NRG3: variants seen among roughly 807,000 people sequenced by gnomAD.
The protein encoded by NRG3 is neuregulin 3.
In NRG3, 31 loss-of-function variants were observed where a neutral mutation model predicts 66.9. That is an observed-to-expected ratio of 0.46 (90% CI 0.35 to 0.63). The LOEUF is 0.63. Among genes scored for constraint, NRG3 ranks in the 20% least tolerant of loss-of-function variants. NRG3 has a pLI of 0.00. For missense variants in NRG3, 910 were observed against 878.9 expected (o/e 1.04, Z -0.45); for synonymous variants, 393 against 359.4 (o/e 1.09, Z -1.06).
chr10:82,951,017 G>C (rs1047739567), intron 4 of NRG3, among the ~76,000 whole-genome samples: 2 of 152,128 alleles, frequency 1.3e-5, no homozygotes, highest in African/African-American at 4.8e-5. Flanking sequence ...AGAATGGGAG[G>C]CTGACAGCCA....
intron 2 of NRG3, among the ~76,000 whole-genome samples, chr10:82,511,699 T>C (rs964495914): frequency 6.6e-6 from 1 of 152,154 alleles, no homozygotes; most frequent in African/African-American, 2.4e-5. Context: ...CCAGAGTCAC[T>C]GGAAGAAAGG....
chr10:82,026,490 T>C (rs2062312885), intron 1 of NRG3, among the ~76,000 whole-genome samples: 1 of 152,070 alleles, frequency 6.6e-6, no homozygotes, highest in East Asian at 1.9e-4. Context: ...GGGAATTGCT[T>C]GTCTGCTTGG....
At chr10:81,951,150 G>T (rs1460516533) in intron 1 of NRG3, among the ~76,000 whole-genome samples, 1 of 152,032 alleles carries the variant, frequency 6.6e-6, no homozygotes, top group African/African-American at 2.4e-5. Context: ...CAACGTTTCT[G>T]ATCTCCATAT....
At chr10:82,235,085 C>A (rs1216182855) in intron 1 of NRG3, among the ~76,000 whole-genome samples, 1 of 152,218 alleles carries the variant, frequency 6.6e-6, no homozygotes, top group Non-Finnish European at 1.5e-5. Flanking sequence ...ACAGATCATT[C>A]TATTAAATTT....
chr10:82,979,022 C>A lies in NRG3; in HGVS notation c.1485C>A (p.Pro495=), dbSNP rs749878937. Residue 495 remains proline (P), a synonymous_variant, in exon 8 of 9, where the codon CCC becomes CCA. Transcript: ENST00000372141. ...ATAGGAATGCCTTCAGAAGGACACC[C>A]CCGTCACCCCGAAGTAGGCTAGGTG... ...MLHRNAFRRT[P]PSPRSRLGGI... 2 of 1,614,056 alleles carry A rather than the reference C, an allele frequency of 1.2e-6. No individual in the cohort carries two copies. The highest frequency in any genetic ancestry group is 1.7e-6 in the Non-Finnish European group (2 of 1,179,964).
intron 3 of NRG3, among the ~76,000 whole-genome samples, chr10:82,771,427 C>A (rs1464502498): frequency 6.6e-6 from 1 of 152,048 alleles, no homozygotes; most frequent in Non-Finnish European, 1.5e-5. Context: ...TAGTTGCTGA[C>A]AAGGGTTCCA....
intron 1 of NRG3, among the ~76,000 whole-genome samples, chr10:82,326,998 T>C (rs2081906622): frequency 6.6e-6 from 1 of 152,194 alleles, no homozygotes; most frequent in African/African-American, 2.4e-5. Flanking sequence ...GCTAGTATCA[T>C]TAAAATTAGG....
intron 2 of NRG3, among the ~76,000 whole-genome samples, chr10:82,720,810 C>CAT (rs5786567): frequency 0.077 from 8,782 of 114,264 alleles, 401 homozygotes; most frequent in Non-Finnish European, 0.097. Context: ...GTATTTTATA[C>CAT]ATATATATAT....
chr10:82,010,727 A>G (rs2061542657), intron 1 of NRG3, among the ~76,000 whole-genome samples: 1 of 152,188 alleles, frequency 6.6e-6, no homozygotes, highest in African/African-American at 2.4e-5. Context: ...AGCCAGCACT[A>G]CCTGCCTCAC....
intron 1 of NRG3, among the ~76,000 whole-genome samples, chr10:82,010,616 G>C (rs77029973): frequency 4.0e-3 from 616 of 152,280 alleles, no homozygotes; most frequent in Non-Finnish European, 6.4e-3. Context: ...AACAGGAAAG[G>C]TTCCAGAAGT....
At chr10:82,918,006 C>CTA (rs879475401) in intron 4 of NRG3, among the ~76,000 whole-genome samples, 2,025 of 111,472 alleles carry the variant, frequency 0.018, 28 homozygotes, top group Middle Eastern at 0.068. Context: ...ATGTATGTAT[C>CTA]TCTCTCTATA....
chr10:82,216,622 A>G (rs2075700599), intron 1 of NRG3, among the ~76,000 whole-genome samples: 1 of 150,776 alleles, frequency 6.6e-6, no homozygotes, highest in South Asian at 2.1e-4. Context: ...ATATATATAT[A>G]TATACCCTTG....
At chr10:82,552,917 G>T (rs2044410956) in intron 2 of NRG3, among the ~76,000 whole-genome samples, 1 of 151,996 alleles carries the variant, frequency 6.6e-6, no homozygotes, top group Non-Finnish European at 1.5e-5. Context: ...TTCCCATGGA[G>T]TGATCACTGA....
At chr10:81,968,070 C>G (rs965835782) in intron 1 of NRG3, among the ~76,000 whole-genome samples, 2 of 152,194 alleles carry the variant, frequency 1.3e-5, no homozygotes, top group Admixed American at 6.5e-5. Context: ...GTAGTTTTCT[C>G]ATTTTGATTA....
chr10:82,249,782 A>G lies in NRG3; in HGVS notation c.824-108957A>G, dbSNP rs1308509644. Among the ~76,000 whole-genome samples the G allele has an allele frequency of 3.9e-5, 6 of 152,204 alleles. No homozygotes were observed. The East Asian group carries it at 5.8e-4, about 15-fold the overall frequency. ...TCAGAACACTACTGGCTTTTGCAAT[A>G]CATTCTTTCGTCTTTTCAAAAGTAA... On this transcript the variant is annotated intron_variant, in intron 1 of 8. Transcript: ENST00000372141.
At position 82,743,601 on chromosome 10, in the gene NRG3, C is replaced by G. The variant is rs1023379979; in HGVS notation, c.1027+4951C>G. Among the ~76,000 whole-genome samples, 3 of 152,234 alleles carry G rather than the reference C, an allele frequency of 2.0e-5. No individual in the cohort carries two copies. In the East Asian group the frequency reaches 5.8e-4, roughly 29 times the overall value. On this transcript the variant is annotated intron_variant, in intron 3 of 8. Coordinates refer to ENST00000372141, the MANE Select transcript of NRG3 (RefSeq NM_001010848.4). ...AAATGGCCTGCAGAGACAACCAAAT[C>G]ATGCCCAAGCTTGGTCTCCTTCCTC...
intron 2 of NRG3, among the ~76,000 whole-genome samples, chr10:82,714,457 T>C (rs1247914562): frequency 6.6e-6 from 1 of 152,230 alleles, no homozygotes; most frequent in Non-Finnish European, 1.5e-5. Flanking sequence ...CCGTGTCATT[T>C]TCCTTTGCAT....
At chr10:81,994,346 T>A (rs2060851815) in intron 1 of NRG3, among the ~76,000 whole-genome samples, 1 of 152,166 alleles carries the variant, frequency 6.6e-6, no homozygotes, top group Non-Finnish European at 1.5e-5. Flanking sequence ...TTGCCATTAT[T>A]ATATATAAAA....
intron 2 of NRG3, among the ~76,000 whole-genome samples, chr10:82,555,371 G>A (rs187048035): frequency 6.6e-6 from 1 of 152,006 alleles, no homozygotes; most frequent in South Asian, 2.1e-4. Context: ...ACAGAAGATG[G>A]GCTTTACTTT....
Sources: gnomAD v4.1 joint callset for allele counts (sites outside exome capture counted in the v4.1 genomes callset) on GRCh38, gnomAD v4.1.1 for gene constraint, MANE v1.5 for transcripts, NCBI Gene and HGNC (gene_info 2026-07-23, HGNC 2026-07-21) for gene names.